RAD54L: variants seen among roughly 807,000 people sequenced by gnomAD.
The protein encoded by RAD54L is DNA repair and recombination protein RAD54-like.
RAD54L carries 74 observed loss-of-function variants against 91.6 expected under a neutral mutation model. That is an observed-to-expected ratio of 0.81 (90% CI 0.67 to 0.98). The LOEUF (loss-of-function observed/expected upper bound fraction) is 0.98, where lower values mean the gene tolerates loss of function less well. Ranked by LOEUF, RAD54L falls within the 50% of genes least tolerant of loss-of-function variation. The pLI is 0.00. For synonymous variants in RAD54L, 304 were observed against 349.7 expected, an observed-to-expected ratio of 0.87 and a Z score of 1.46; for missense variants, 887 against 945.7, an observed-to-expected ratio of 0.94 and a Z score of 0.81.
chr1:46,273,266 G>T, intron 12 of RAD54L, 89 bp from the exon 13 acceptor site: 1 of 1,085,068 alleles, frequency 9.2e-7, no homozygotes, highest in African/African-American at 1.5e-5. Context: ...AAGGCCTTTT[G>T]GGCTAGGCTT....
intron 3 of RAD54L, among the ~76,000 whole-genome samples, chr1:46,257,492 G>A (rs940318986): frequency 6.6e-6 from 1 of 152,192 alleles, no homozygotes; most frequent in African/African-American, 2.4e-5. Flanking sequence ...AGTTAGCTCA[G>A]TGTTAATTTT....
chr1:46,270,072 C>CAA (rs113136605), intron 9 of RAD54L, among the ~76,000 whole-genome samples: 5 of 139,830 alleles, frequency 3.6e-5, no homozygotes, highest in African/African-American at 5.2e-5. Flanking sequence ...GAACCTGTCT[C>CAA]AAAAAAAAAA....
chr1:46,255,853 A>G (rs1307625806), intron 3 of RAD54L, among the ~76,000 whole-genome samples: 1 of 152,020 alleles, frequency 6.6e-6, no homozygotes, highest in Non-Finnish European at 1.5e-5. Context: ...GGGTCTCCAC[A>G]TTCTTCCTTA....
rs767442837 is a variant in RAD54L, at chr1:46,270,774, C to T, written c.1158C>T (p.Ser386=). The change falls in exon 10 of 18, where the codon AGC becomes AGT. Residue 386 remains serine (S), a synonymous_variant. Transcript: ENST00000371975. ...AGGAGCGGCTGCGGGAGCTCACCAG[C>T]ATTGTGAATAGGTAATGACCTTAAG... The part of the protein sequence containing the change: ...LGEERLRELT[S]IVNRCLIRRT... The T allele has an allele frequency of 4.3e-6, 7 of 1,614,150 alleles. No homozygotes were observed. The highest frequency in any genetic ancestry group is 5.9e-6 in the Non-Finnish European group (7 of 1,180,018).
intron 4 of RAD54L, among the ~76,000 whole-genome samples, chr1:46,259,309 G>C (rs991754942): frequency 6.6e-6 from 1 of 151,886 alleles, no homozygotes; most frequent in Non-Finnish European, 1.5e-5. Context: ...GAGATACTAC[G>C]CTTGGCTGTG....
chr1:46,270,921 C>A, intron 10 of RAD54L, 136 bp downstream of exon 10: 1 of 1,187,082 alleles, frequency 8.4e-7, no homozygotes, highest in Non-Finnish European at 1.2e-6. Flanking sequence ...TAACTATGGC[C>A]ACTGAATAAA....
chr1:46,261,402 A>T lies in RAD54L; in HGVS notation c.891+17A>T, dbSNP rs761137874. 3 of 1,613,908 alleles carry T rather than the reference A, an allele frequency of 1.9e-6. No homozygotes were observed. Among genetic ancestry groups the T allele is most frequent in the Non-Finnish European group, 1.7e-6 (2 of 1,179,926 alleles). ...TGTGACGAGGTACTTGACTCTCAGC[A>T]GTCTGGGTGGTAGGAGAAAATCTGT... On this transcript the variant is annotated intron_variant, in intron 8 of 17. Coordinates refer to ENST00000371975, the MANE Select transcript of RAD54L (RefSeq NM_003579.4).
chr1:46,260,915 G>A lies in RAD54L; in HGVS notation c.666G>A (p.Leu222=), dbSNP rs1374369566. The A allele has an allele frequency of 6.2e-7, 1 of 1,614,216 alleles. No homozygotes were observed. The change falls in exon 7 of 18, where the codon CTG becomes CTA. Residue 222 remains leucine, a synonymous_variant. Coordinates refer to ENST00000371975, the MANE Select transcript of RAD54L (RefSeq NM_003579.4). Reference sequence around the variant, plus strand: ...CAGTGGTGGTGTCGCCTTCCAGCCTGGTGAAGAACTGGTACAATGAGGTTG... The same window carrying A: ...CAGTGGTGGTGTCGCCTTCCAGCCTAGTGAAGAACTGGTACAATGAGGTTG... ...DKAVVVSPSS[L]VKNWYNEVGK...
intron 3 of RAD54L, among the ~76,000 whole-genome samples, chr1:46,257,199 G>C (rs182866630): frequency 6.7e-6 from 1 of 149,124 alleles, no homozygotes; most frequent in Admixed American, 6.7e-5. Context: ...TGAATTTCTA[G>C]ACATTGATGA....
Position 46,249,557 on chromosome 1 carries a change from G to A in RAD54L, c.91-443G>A, listed in dbSNP as rs72899058. Reference sequence around the variant, plus strand: ...GCTTCTGAAGATGCTTTTAGTGCCAGTGTCCTCACAGCCATGGGTGGCCTG... The same window carrying A: ...GCTTCTGAAGATGCTTTTAGTGCCAATGTCCTCACAGCCATGGGTGGCCTG... On this transcript the variant is annotated intron_variant, in intron 2 of 17. Transcript: ENST00000371975. Among the ~76,000 whole-genome samples the A allele has an allele frequency of 8.2e-3, 1,254 of 152,346 alleles. 19 individuals are homozygous for A. Among genetic ancestry groups the A allele is most frequent in the Middle Eastern group, 0.037 (11 of 294 alleles).
intron 8 of RAD54L, among the ~76,000 whole-genome samples, chr1:46,264,622 A>G (rs1247187620): frequency 6.6e-6 from 1 of 152,244 alleles, no homozygotes; most frequent in Non-Finnish European, 1.5e-5. Context: ...CACTTTGTAC[A>G]AGTGTATAAA....
At chr1:46,267,637 C>CA in intron 9 of RAD54L, 28 bp downstream of exon 9, 1 of 1,580,700 alleles carries the variant, frequency 6.3e-7, no homozygotes, top group Middle Eastern at 1.7e-4. Context: ...TTTGCCACAT[C>CA]AGAGAGGAGC....
intron 8 of RAD54L, among the ~76,000 whole-genome samples, chr1:46,264,655 G>A (rs1021006541): frequency 5.9e-5 from 9 of 152,228 alleles, no homozygotes; most frequent in Non-Finnish European, 7.3e-5. Context: ...TGACGTCATC[G>A]TCATCTCAAT....
chr1:46,272,939 CA>C (rs1660477414), intron 12 of RAD54L, 137 bp downstream of exon 12: 1 of 1,298,282 alleles, frequency 7.7e-7, no homozygotes, highest in Non-Finnish European at 1.1e-6. Flanking sequence ...CAACCCTACC[CA>C]AGGCATGAAC....
intron 12 of RAD54L, 143 bp from the exon 13 acceptor site, chr1:46,273,212 T>G: frequency 1.3e-6 from 1 of 791,040 alleles, no homozygotes. Context: ...CTATATCCTG[T>G]TGGAATTTGG....
chr1:46,250,260 A>G (rs1659761523), intron 3 of RAD54L, 141 bp downstream of exon 3: 1 of 1,184,794 alleles, frequency 8.4e-7, no homozygotes, highest in Non-Finnish European at 1.2e-6. Flanking sequence ...ACCTGCCCAC[A>G]GCTGCTGGGG....
chr1:46,264,050 C>G (rs368358707), intron 8 of RAD54L, among the ~76,000 whole-genome samples: 3 of 152,218 alleles, frequency 2.0e-5, no homozygotes, highest in Non-Finnish European at 4.4e-5. Flanking sequence ...GCGGCCTTGG[C>G]CTCCCAAAGT....
rs755357152 is a variant in RAD54L, at chr1:46,274,525, C to T, written c.1690-13C>T. 2 of 1,612,312 alleles carry T rather than the reference C, an allele frequency of 1.2e-6. No homozygotes were observed. Among genetic ancestry groups the T allele is most frequent in the Admixed American group, 3.3e-5 (2 of 60,018 alleles). ...ATAAGAGGTTCCTTTTCTCCTGTTT[C>T]TTCTCTTTCCAGAGCCCTGACTTTG... On this transcript the variant is annotated splice_polypyrimidine_tract_variant and intron_variant, in intron 15 of 17. Transcript: ENST00000371975.
Position 46,274,700 on chromosome 1 carries a change from A to G in RAD54L, c.1852A>G (p.Ile618Val), listed in dbSNP as rs374649045. The part of the protein sequence containing the change: ...WRDGQKKTCY[I>V]YRLLSAGTIE... ...AGATGGTCAAAAGAAGACTTGCTAT[A>G]TCTACCGCCTGCTGTCTGTAAGGAT... The change falls in exon 16 of 18, where the codon ATC becomes GTC. Residue 618 changes from isoleucine (I) to valine (V), a missense_variant. Physicochemically the swap from Ile to Val is conservative, Grantham distance 29. Transcript: ENST00000371975. 7 of 1,613,964 alleles carry G rather than the reference A, an allele frequency of 4.3e-6. No individual in the cohort carries two copies. In the African/African-American group the frequency reaches 6.7e-5, roughly 15 times the overall value.
Sources: allele counts gnomAD v4.1 joint callset (sites outside exome capture counted in the v4.1 genomes callset), GRCh38; gene constraint gnomAD v4.1.1; transcripts MANE v1.5; gene names NCBI Gene and HGNC (gene_info 2026-07-23, HGNC 2026-07-21).